PCDHA5: variants seen among roughly 807,000 people sequenced by gnomAD.
PCDHA5 encodes the protein protocadherin alpha-5.
A neutral mutation model predicts 61.6 loss-of-function variants in PCDHA5; 43 were observed. The ratio of observed to expected loss-of-function variants is 0.70; its 90% CI spans 0.55 to 0.90. The LOEUF (loss-of-function observed/expected upper bound fraction) is 0.90, where lower values mean the gene tolerates loss of function less well. Among genes scored for constraint, PCDHA5 ranks in the 40% least tolerant of loss-of-function variants. The pLI is 0.00. For missense variants in PCDHA5, 1,298 were observed against 1,222.7 expected (o/e 1.06, Z -0.92); for synonymous variants, 627 against 543.9 (o/e 1.15, Z -2.13).
intron 3 of PCDHA5, among the ~76,000 whole-genome samples, chr5:141,003,100 T>TTCACAATC (rs1311391173): frequency 6.6e-6 from 1 of 152,240 alleles, no homozygotes; most frequent in African/African-American, 2.4e-5. Flanking sequence ...TGGCATTTGC[T>TTCACAATC]TCACAATCTT....
chr5:140,938,899 A>C (rs1175857132), intron 1 of PCDHA5, among the ~76,000 whole-genome samples: 1 of 151,886 alleles, frequency 6.6e-6, no homozygotes, highest in Non-Finnish European at 1.5e-5. Flanking sequence ...ACAGATGCGC[A>C]CACACACACA....
chr5:140,947,100 T>C (rs782585215), intron 1 of PCDHA5, among the ~76,000 whole-genome samples: 16 of 151,438 alleles, frequency 1.1e-4, no homozygotes, highest in Non-Finnish European at 2.1e-4. Context: ...AGCCCATAAA[T>C]AGGTACGTGT....
chr5:140,851,821 C>G, intron 1 of PCDHA5: 1 of 958,244 alleles, frequency 1.0e-6, no homozygotes, highest in Non-Finnish European at 1.3e-6. Context: ...AGACAGAAAT[C>G]TGTTTTTTTA....
chr5:140,980,878 G>A (rs528577692), intron 2 of PCDHA5, among the ~76,000 whole-genome samples: 6 of 152,118 alleles, frequency 3.9e-5, no homozygotes, highest in East Asian at 1.9e-4. Context: ...GGGTGTTCTC[G>A]GTCTTTCCAG....
chr5:140,933,715 G>C (rs1292658358), intron 1 of PCDHA5, among the ~76,000 whole-genome samples: 1 of 151,902 alleles, frequency 6.6e-6, no homozygotes, highest in Non-Finnish European at 1.5e-5. Flanking sequence ...ACTGAGATTG[G>C]TGATACAGCT....
chr5:140,870,055 G>A (rs868919509), intron 1 of PCDHA5: 6 of 1,613,774 alleles, frequency 3.7e-6, no homozygotes, highest in Non-Finnish European at 5.1e-6. Context: ...TTATAAAATT[G>A]AAGTACAGGC....
intron 1 of PCDHA5, among the ~76,000 whole-genome samples, chr5:140,956,473 A>G (rs1269855039): frequency 1.1e-4 from 17 of 152,136 alleles, no homozygotes; most frequent in Admixed American, 1.1e-3. Context: ...CATATGTTGA[A>G]CCAGTCTTGC....
chr5:140,998,681 C>G (rs978884535), intron 3 of PCDHA5, among the ~76,000 whole-genome samples: 42 of 152,038 alleles, frequency 2.8e-4, no homozygotes, highest in Non-Finnish European at 1.6e-4. Context: ...TCTCCTGCCT[C>G]AGCCTCCCAA....
intron 1 of PCDHA5, chr5:140,930,423 A>C (rs1366004853): frequency 6.6e-6 from 1 of 151,862 alleles, no homozygotes; most frequent in Non-Finnish European, 1.5e-5. Flanking sequence ...GGGTCTCACT[A>C]TGTTGCCCAG....
intron 1 of PCDHA5, among the ~76,000 whole-genome samples, chr5:140,955,285 G>T (rs2095164466): frequency 6.6e-6 from 1 of 151,896 alleles, no homozygotes; most frequent in Non-Finnish European, 1.5e-5. Context: ...ATATTGATAT[G>T]GTTTGGCTGT....
At position 140,829,513 on chromosome 5, in the gene PCDHA5, C is replaced by T. The variant is rs146722468; in HGVS notation, c.2352+5386C>T. ...AGAACAACCCGCCGGGCTGCCACAT[C>T]TTCACGGTGTCTGCGCGAGACGCGG... On this transcript the variant is annotated intron_variant, in intron 1 of 3. Transcript: ENST00000529859. 3.1e-4 allele frequency: 493 copies of T among 1,613,532 alleles called. 1 individual carries two copies. In the African/African-American group the frequency reaches 5.8e-3, roughly 19 times the overall value.
intron 1 of PCDHA5, chr5:140,835,213 T>C: frequency 1.3e-6 from 2 of 1,576,900 alleles, no homozygotes; most frequent in Non-Finnish European, 1.7e-6. Context: ...AATGGGGATA[T>C]TATTTACTCC....
chr5:140,966,926 C>T (rs782811757), intron 1 of PCDHA5: 22 of 1,603,344 alleles, frequency 1.4e-5, no homozygotes, highest in Middle Eastern at 1.6e-4. Context: ...GGAGCAGGCA[C>T]CCGGCGCGCT....
At chr5:140,836,090 G>C in intron 1 of PCDHA5, 4 of 1,613,720 alleles carry the variant, frequency 2.5e-6, no homozygotes, top group Non-Finnish European at 3.4e-6. Context: ...TGGCGCCTCG[G>C]GTGGGTGGCA....
chr5:140,836,171 A>G lies in PCDHA5; in HGVS notation c.2352+12044A>G, dbSNP rs2150254615. 35 of 1,613,728 alleles carry G rather than the reference A, an allele frequency of 2.2e-5. 2 individuals carry two copies. The South Asian group carries it at 2.5e-4, about 12-fold the overall frequency. On this transcript the variant is annotated intron_variant, in intron 1 of 3. Transcript: ENST00000529859. The stretch of plus-strand genomic sequence containing the variant: ...GCCATGTGGTGGCGAAGGTACGTGC[A>G]GTTGACGCTGACTCAGGCTACAACG...
intron 1 of PCDHA5, chr5:140,850,366 T>A (rs1226004214): frequency 1.3e-6 from 2 of 1,597,368 alleles, no homozygotes; most frequent in Non-Finnish European, 1.7e-6. Context: ...CCGTTCCGCG[T>A]GGGGCTGTAC....
chr5:140,901,899 T>C (rs1439841120), intron 1 of PCDHA5, among the ~76,000 whole-genome samples: 2 of 152,152 alleles, frequency 1.3e-5, no homozygotes, highest in Non-Finnish European at 2.9e-5. Flanking sequence ...ATATTTTTCA[T>C]TGTGGAGATC....
In PCDHA5 at chr5:140,822,418, G is replaced by C; in HGVS notation, c.643G>C (p.Asp215His). Residue 215 changes from aspartate (D) to histidine (H), a missense_variant, in exon 1 of 4, where the codon GAT becomes CAT. Coordinates refer to ENST00000529859, the MANE Select transcript of PCDHA5 (RefSeq NM_018908.3). ...QEHRLLVIAT[D>H]GGKPELTGTV... is the part of the protein sequence containing the mutation. ...ACACCGTTTATTAGTGATTGCAACT[G>C]ATGGAGGAAAACCCGAACTAACAGG... 6.2e-7 allele frequency: 1 copy of C among 1,614,068 alleles called. No homozygotes were observed. Among genetic ancestry groups the C allele is most frequent in the South Asian group, 1.1e-5 (1 of 91,086 alleles).
chr5:140,883,865 T>C, intron 1 of PCDHA5: 2 of 1,613,076 alleles, frequency 1.2e-6, no homozygotes, highest in East Asian at 2.2e-5. Flanking sequence ...GCTGTTGCAG[T>C]TCCAGGTGAG....
Sources: allele counts gnomAD v4.1 joint callset (sites outside exome capture counted in the v4.1 genomes callset), GRCh38; gene constraint gnomAD v4.1.1; transcripts MANE v1.5; gene names NCBI Gene and HGNC (gene_info 2026-07-23, HGNC 2026-07-21).